The following HOTAIR variants were observed in gnomAD, a reference collection of about 807,000 sequenced individuals.
HOTAIR encodes the protein HOX transcript antisense RNA.
intron 1 of HOTAIR, among the ~76,000 whole-genome samples, chr12:53,972,533 C>A (rs890517661): frequency 3.9e-5 from 6 of 152,208 alleles, no homozygotes; most frequent in Non-Finnish European, 8.8e-5. Flanking sequence ...GGCTGCCTCA[C>A]CTTTGGGAAA....
At position 53,973,060 on chromosome 12, in the gene HOTAIR, A is replaced by T; in HGVS notation, n.59+1838T>A. 1 of 538,246 alleles carries T rather than the reference A, an allele frequency of 1.9e-6. No homozygotes were observed. Among genetic ancestry groups the T allele is most frequent in the Non-Finnish European group, 3.2e-6 (1 of 308,028 alleles). 33.3% of individuals were successfully genotyped at this position (538,246 alleles called of 1,614,324 possible). A position where few individuals can be genotyped will look rare whatever the true frequency, so the allele number is the denominator to read the frequency against. ...CTGAACGTCCCCGATCTTACCTAAG[A>T]GAGAACCCCTCCTACGTCTGCGAAG... On this transcript the variant is annotated intron_variant and non_coding_transcript_variant, in intron 1 of 6. Coordinates refer to ENST00000424518, the Ensembl canonical transcript of HOTAIR. The surrounding 1 kb of genome is among the most constrained non-coding windows in gnomAD (Gnocchi z 4.3).
Position 53,973,147 on chromosome 12 carries a change from A to T in HOTAIR, n.59+1751T>A. On this transcript the variant is annotated intron_variant and non_coding_transcript_variant, in intron 1 of 6. Coordinates refer to ENST00000424518, the Ensembl canonical transcript of HOTAIR. The surrounding 1 kb of genome is among the most constrained non-coding windows in gnomAD (Gnocchi z 4.3). Reference sequence around the variant, plus strand: ...TCACGTGCTCAGAGAGAGAGAGACTAAGACGGATAACGCGTCATCTCGCCT... The same window carrying T: ...TCACGTGCTCAGAGAGAGAGAGACTTAGACGGATAACGCGTCATCTCGCCT... The T allele has an allele frequency of 1.1e-6, 1 of 907,668 alleles. No individual in the cohort carries two copies. The highest frequency in any genetic ancestry group is 1.7e-6 in the Non-Finnish European group (1 of 604,016). The allele number at this position is 907,668 out of a possible 1,614,324, so 56.2% of individuals were successfully genotyped here. A position where few individuals can be genotyped will look rare whatever the true frequency, so the allele number is the denominator to read the frequency against.
chr12:53,963,764 G>A (rs1938998741), exon 7 of HOTAIR: 2 of 152,224 alleles, frequency 1.3e-5, no homozygotes, highest in Non-Finnish European at 2.9e-5. Context: ...GGCAGTGGCT[G>A]ACCCGAGCCG....
rs2136375649 is a variant in HOTAIR, at chr12:53,973,584, A to C, written n.59+1314T>G. The C allele has an allele frequency of 1.9e-6, 3 of 1,613,064 alleles. No individual in the cohort carries two copies. In the East Asian group the frequency reaches 6.7e-5, roughly 36 times the overall value. On this transcript the variant is annotated intron_variant and non_coding_transcript_variant, in intron 1 of 6. Transcript: ENST00000424518. The surrounding 1 kb of genome is among the most constrained non-coding windows in gnomAD (Gnocchi z 4.3). Reference sequence around the variant, plus strand: ...TCCTTCCACCGTCACCGAGATCCTCATGAAAAACGAAGGCTCCTACGGCGG... The same window carrying C: ...TCCTTCCACCGTCACCGAGATCCTCCTGAAAAACGAAGGCTCCTACGGCGG...
chr12:53,965,511 G>A (rs569282097), intron 5 of HOTAIR, among the ~76,000 whole-genome samples: 1 of 152,376 alleles, frequency 6.6e-6, no homozygotes, highest in East Asian at 1.9e-4. Flanking sequence ...GGCTGGGGCT[G>A]TGAAGGCCAG....
chr12:53,973,387 C>G lies in HOTAIR; in HGVS notation n.59+1511G>C. 1 of 1,614,208 alleles carries G rather than the reference C, an allele frequency of 6.2e-7. No individual in the cohort carries two copies. Among genetic ancestry groups the G allele is most frequent in the Non-Finnish European group, 8.5e-7 (1 of 1,180,046 alleles). ...ATGCCCGAGTTCTCCACGGTCTCCT[C>G]CTTCCTGCCCCAGGCCCCCTCTCGT... is the stretch of plus-strand genomic sequence containing the variant. On this transcript the variant is annotated intron_variant and non_coding_transcript_variant, in intron 1 of 6. Transcript: ENST00000424518. This position sits in a 1 kb window ranked among gnomAD's most constrained non-coding sequence, Gnocchi z 4.3.
rs752730449 is a variant in HOTAIR at position 53,973,427 on chromosome 12, C to G, written n.59+1471G>C. 5 of 1,614,230 alleles carry G rather than the reference C, an allele frequency of 3.1e-6. No individual in the cohort carries two copies. Among genetic ancestry groups the G allele is most frequent in the Middle Eastern group, 1.6e-4 (1 of 6,062 alleles). On this transcript the variant is annotated intron_variant and non_coding_transcript_variant, in intron 1 of 6. Transcript: ENST00000424518. This position sits in a 1 kb window ranked among gnomAD's most constrained non-coding sequence, Gnocchi z 4.3. Reference sequence around the variant, plus strand: ...CCCCCTCTCGTCAGATCTCCTATCCCTACTCGGCCCAAGTGCCCCCGGTCC... The same window carrying G: ...CCCCCTCTCGTCAGATCTCCTATCCGTACTCGGCCCAAGTGCCCCCGGTCC...
chr12:53,969,710 C>T (rs567366771), intron 1 of HOTAIR, among the ~76,000 whole-genome samples: 25 of 152,340 alleles, frequency 1.6e-4, no homozygotes, highest in African/African-American at 4.3e-4. Flanking sequence ...TGTGAACAAA[C>T]GAGAGCGTCC....
chr12:53,973,824 G>A lies in HOTAIR; in HGVS notation n.59+1074C>T, dbSNP rs1939196753. On this transcript the variant is annotated intron_variant and non_coding_transcript_variant, in intron 1 of 6. Coordinates refer to ENST00000424518, the Ensembl canonical transcript of HOTAIR. The surrounding 1 kb of genome is among the most constrained non-coding windows in gnomAD (Gnocchi z 4.3). The stretch of plus-strand genomic sequence containing the variant: ...CTCGGGACTGGCGTCCCGGGCTGAG[G>A]CGGGTGCCGAGGCGGAGGCTGAGGA... 2.6e-6 allele frequency: 4 copies of A among 1,529,702 alleles called. No individual in the cohort carries two copies. In the African/African-American group the frequency reaches 4.2e-5, roughly 16 times the overall value. 94.8% of individuals were successfully genotyped at this position (1,529,702 alleles called of 1,614,324 possible).
chr12:53,974,005 G>A, intron 1 of HOTAIR: 1 of 1,241,962 alleles, frequency 8.1e-7, no homozygotes, highest in Non-Finnish European at 1.1e-6. Flanking sequence ...GGAGGCAAGG[G>A]GAGCGGGGAC....
intron 1 of HOTAIR, among the ~76,000 whole-genome samples, chr12:53,969,706 C>G (rs1939117257): frequency 6.6e-6 from 1 of 152,246 alleles, no homozygotes; most frequent in Non-Finnish European, 1.5e-5. Flanking sequence ...AGCCTGTGAA[C>G]AAACGAGAGC....
At chr12:53,965,734 A>T (rs1939040060) in intron 5 of HOTAIR, among the ~76,000 whole-genome samples, 1 of 152,036 alleles carries the variant, frequency 6.6e-6, no homozygotes, top group Non-Finnish European at 1.5e-5. Context: ...GAACAGCAGG[A>T]GAAAAAGAAG....
At chr12:53,963,319 GCTTTTTTC>G (rs1938987643) in exon 7 of HOTAIR, 2 of 152,234 alleles carry the variant, frequency 1.3e-5, no homozygotes, top group African/African-American at 4.8e-5. Context: ...TATAACCCAA[GCTTTTTTC>G]CAACAAAACA....
chr12:53,970,228 C>T (rs950676947), intron 1 of HOTAIR, among the ~76,000 whole-genome samples: 1 of 152,186 alleles, frequency 6.6e-6, no homozygotes, highest in Non-Finnish European at 1.5e-5. Flanking sequence ...GTCACAGGCA[C>T]CCACCAGATA....
At chr12:53,971,201 C>T (rs1242207646) in intron 1 of HOTAIR, among the ~76,000 whole-genome samples, 2 of 152,226 alleles carry the variant, frequency 1.3e-5, no homozygotes, top group Non-Finnish European at 2.9e-5. Flanking sequence ...CCCTTACCAA[C>T]AGAAGTCTCA....
intron 5 of HOTAIR, among the ~76,000 whole-genome samples, chr12:53,965,727 C>A (rs1360277658): frequency 6.7e-6 from 1 of 148,516 alleles, no homozygotes; most frequent in South Asian, 2.1e-4. Context: ...GCAGGAAGAA[C>A]AGCAGGAGAA....
chr12:53,973,042 TC>T lies in HOTAIR; in HGVS notation n.59+1855del, dbSNP rs34981539. ...TGTTTGCAAACCAATCGCCTGAACG[TC>T]CCCGATCTTACCTAAGAGAGAACCC... On this transcript the variant is annotated intron_variant and non_coding_transcript_variant, in intron 1 of 6. Coordinates refer to ENST00000424518, the Ensembl canonical transcript of HOTAIR. The surrounding 1 kb of genome is among the most constrained non-coding windows in gnomAD (Gnocchi z 4.3). 2.0e-3 allele frequency: 1,011 copies of T among 495,994 alleles called. 3 individuals carry two copies. Among genetic ancestry groups the T allele is most frequent in the Non-Finnish European group, 1.9e-3 (534 of 283,212 alleles). 30.7% of individuals were successfully genotyped at this position (495,994 alleles called of 1,614,324 possible).
intron 1 of HOTAIR, among the ~76,000 whole-genome samples, chr12:53,970,156 G>A (rs1343016319): frequency 6.6e-6 from 1 of 152,246 alleles, no homozygotes; most frequent in Admixed American, 6.5e-5. Context: ...CAGTGGGGAG[G>A]GCCGGATGGC....
chr12:53,967,750 C>T (rs1939081179), intron 2 of HOTAIR, among the ~76,000 whole-genome samples: 1 of 152,148 alleles, frequency 6.6e-6, no homozygotes, highest in South Asian at 2.1e-4. Context: ...TGGACGCTTC[C>T]CCCTAGTGTG....
Sources: gnomAD v4.1 joint callset for allele counts (sites outside exome capture counted in the v4.1 genomes callset) on GRCh38, gnomAD v4.1.1 for gene constraint, Gnocchi (gnomAD v3.1) non-coding constraint, MANE v1.5 for transcripts, NCBI Gene and HGNC (gene_info 2026-07-23, HGNC 2026-07-21) for gene names.